KHDRBS1: variants seen among roughly 807,000 people sequenced by gnomAD.
KHDRBS1 encodes KH RNA binding domain containing, signal transduction associated 1, also known as KH domain-containing, RNA-binding, signal transduction-associated protein 1.
A neutral mutation model predicts 48.4 loss-of-function variants in KHDRBS1; 7 were observed. That is an observed-to-expected ratio of 0.14 (90% CI 0.08 to 0.27). KHDRBS1 has a LOEUF of 0.27. Among genes scored for constraint, KHDRBS1 ranks in the 10% least tolerant of loss-of-function variants. The pLI, the probability that KHDRBS1 is intolerant of heterozygous loss-of-function variation, is 1.00. For missense variants in KHDRBS1, 458 were observed against 601.2 expected (o/e 0.76, Z 2.49); for synonymous variants, 241 against 235.8 (o/e 1.02, Z -0.20).
At chr1:32,015,142 G>T (rs894011469) in intron 1 of KHDRBS1, among the ~76,000 whole-genome samples, 5 of 152,178 alleles carry the variant, frequency 3.3e-5, no homozygotes, top group African/African-American at 1.2e-4. Flanking sequence ...GAAATTGAGA[G>T]AAGTTGCATG....
chr1:32,032,909 C>CGAACTCCT (rs1432547164), intron 3 of KHDRBS1, among the ~76,000 whole-genome samples: 1 of 152,268 alleles, frequency 6.6e-6, no homozygotes, highest in East Asian at 1.9e-4. Flanking sequence ...AGACTGGTCT[C>CGAACTCCT]GAACTCCTGA....
intron 8 of KHDRBS1, among the ~76,000 whole-genome samples, chr1:32,041,561 A>G (rs1459569782): frequency 6.6e-6 from 1 of 151,060 alleles, no homozygotes; most frequent in African/African-American, 2.4e-5. Context: ...TGTTGACTTA[A>G]GAAAGGAGAT....
At chr1:32,031,444 T>C (rs1384263539) in intron 2 of KHDRBS1, 80 bp from the exon 3 acceptor site, 1 of 877,160 alleles carries the variant, frequency 1.1e-6, no homozygotes, top group African/African-American at 1.7e-5. Flanking sequence ...CAGGGTTGTT[T>C]AAAATCAAGT....
At chr1:32,058,333 C>G (rs1393163290) in intron 10 of KHDRBS1, among the ~76,000 whole-genome samples, 1 of 152,112 alleles carries the variant, frequency 6.6e-6, no homozygotes, top group Non-Finnish European at 1.5e-5. Context: ...AATCTGGCCT[C>G]AAGCAATCCT....
chr1:32,058,533 G>A (rs1027647482), intron 10 of KHDRBS1, among the ~76,000 whole-genome samples: 1 of 152,184 alleles, frequency 6.6e-6, no homozygotes, highest in Non-Finnish European at 1.5e-5. Context: ...TTGAATGGGA[G>A]GAGGGGGGGT....
chr1:32,042,572 CT>C lies in KHDRBS1; in HGVS notation c.1281del (p.Ala428LeufsTer4). 6.2e-7 allele frequency: 1 copy of C among 1,613,932 alleles called. No homozygotes were observed. The highest frequency in any genetic ancestry group is 8.5e-7 in the Non-Finnish European group (1 of 1,179,834). ...ACCAGGCCGTCGCTGAAGGCCCCTC[CT>C]GCTAGGCCAGTGAAGGGAGCATACA... ...NGTRPSLKAP[P>X]ARPVKGAYRE... On this transcript the variant is annotated frameshift_variant, in exon 9 of 9. Coordinates refer to ENST00000327300, the MANE Select transcript of KHDRBS1 (RefSeq NM_006559.3). LOFTEE classifies it high-confidence loss of function.
chr1:32,045,146 T>G (rs1276082340), downstream of KHDRBS1, among the ~76,000 whole-genome samples: 3 of 152,068 alleles, frequency 2.0e-5, no homozygotes, highest in Non-Finnish European at 2.9e-5. Context: ...TTTAAAACTG[T>G]GTAAGGATGA....
intron 1 of KHDRBS1, among the ~76,000 whole-genome samples, chr1:32,022,977 C>T (rs963842011): frequency 6.6e-6 from 1 of 151,824 alleles, no homozygotes. Context: ...TATAATTTTC[C>T]CAGACTTCTC....
At chr1:32,025,688 C>G (rs1030153580) in intron 1 of KHDRBS1, among the ~76,000 whole-genome samples, 1 of 142,314 alleles carries the variant, frequency 7.0e-6, no homozygotes, top group African/African-American at 2.6e-5. Flanking sequence ...CATCCCCTCC[C>G]TGCCTCCCTT....
At chr1:32,048,709 A>G (rs1260747467), downstream of KHDRBS1, among the ~76,000 whole-genome samples, 1 of 152,196 alleles carries the variant, frequency 6.6e-6, no homozygotes, top group Non-Finnish European at 1.5e-5. Context: ...CTTTATTGAG[A>G]TATAATTCAC....
chr1:32,014,355 C>T lies in KHDRBS1; in HGVS notation c.360C>T (p.His120=). ...EKDSLDPSFT[H]AMQLLTAEIE... Reference sequence around the variant, plus strand: ...ACTCGCTCGACCCGTCCTTCACTCACGCCATGCAGCTGCTGACGGCAGGTA... The same window carrying T: ...ACTCGCTCGACCCGTCCTTCACTCATGCCATGCAGCTGCTGACGGCAGGTA... Residue 120 remains histidine (H), a synonymous_variant, in exon 1 of 9, where the codon CAC becomes CAT. Transcript: ENST00000327300. The T allele has an allele frequency of 6.6e-7, 1 of 1,503,844 alleles. No individual in the cohort carries two copies. The highest frequency in any genetic ancestry group is 9.0e-7 in the Non-Finnish European group (1 of 1,116,004). 93.2% of individuals were successfully genotyped at this position (1,503,844 alleles called of 1,614,324 possible).
At chr1:32,049,625 T>C (rs1249619215) in intron 10 of KHDRBS1, among the ~76,000 whole-genome samples, 1 of 151,936 alleles carries the variant, frequency 6.6e-6, no homozygotes, top group Non-Finnish European at 1.5e-5. Flanking sequence ...AATTTCTGGG[T>C]TCTGGGTCAT....
At chr1:32,038,445 A>C in intron 6 of KHDRBS1, 107 bp from the exon 7 acceptor site, 1 of 1,082,354 alleles carries the variant, frequency 9.2e-7, no homozygotes, top group Non-Finnish European at 1.4e-6. Flanking sequence ...GGGAAATGTC[A>C]TGTCCTTTTA....
chr1:32,016,413 A>G (rs1394516378), intron 1 of KHDRBS1, among the ~76,000 whole-genome samples: 2 of 152,138 alleles, frequency 1.3e-5, no homozygotes, highest in African/African-American at 2.4e-5. Context: ...TGGTCAGTCT[A>G]CACACCTTCC....
At chr1:32,025,501 G>A (rs753923945) in intron 1 of KHDRBS1, among the ~76,000 whole-genome samples, 2 of 150,710 alleles carry the variant, frequency 1.3e-5, no homozygotes, top group African/African-American at 4.9e-5. Context: ...GGGTTTCACT[G>A]TATTGGTCAG....
At chr1:32,042,497 G>T in intron 8 of KHDRBS1, 30 bp from the exon 9 acceptor site, 1 of 1,514,584 alleles carries the variant, frequency 6.6e-7, no homozygotes, top group Admixed American at 1.7e-5. Flanking sequence ...TCGCCACATG[G>T]TTTATAAACT....
intron 3 of KHDRBS1, among the ~76,000 whole-genome samples, chr1:32,032,436 CTTCT>C (rs1639099053): frequency 6.6e-6 from 1 of 152,194 alleles, no homozygotes; most frequent in Admixed American, 6.5e-5. Flanking sequence ...TCTGTCCTGA[CTTCT>C]TTCTTCCCCT....
chr1:32,022,834 G>A (rs1057342122), intron 1 of KHDRBS1, among the ~76,000 whole-genome samples: 1 of 151,852 alleles, frequency 6.6e-6, no homozygotes, highest in East Asian at 1.9e-4. Flanking sequence ...AGGTTGCAGT[G>A]AGCCAAAATT....
At chr1:32,041,928 T>C (rs1372488230) in intron 8 of KHDRBS1, among the ~76,000 whole-genome samples, 1 of 152,174 alleles carries the variant, frequency 6.6e-6, no homozygotes, top group African/African-American at 2.4e-5. Flanking sequence ...CAACATTTGA[T>C]TGCACATCCC....
Sources: gnomAD v4.1 joint callset for allele counts (sites outside exome capture counted in the v4.1 genomes callset) on GRCh38, gnomAD v4.1.1 for gene constraint, MANE v1.5 for transcripts, NCBI Gene and HGNC (gene_info 2026-07-23, HGNC 2026-07-21) for gene names.